CELF4: variants seen among roughly 807,000 people sequenced by gnomAD.
CELF4 encodes the protein CUG-BP- and ETR-3-like factor 4.
Under a neutral mutation model 59.9 loss-of-function variants are expected in CELF4, and 18 were observed. The ratio of observed to expected loss-of-function variants is 0.30; its 90% confidence interval spans 0.21 to 0.45. CELF4 has a LOEUF of 0.45. CELF4 is among the 20% of genes least tolerant of loss of function. CELF4 has a pLI of 1.00. For synonymous variants in CELF4, 261 were observed against 267.1 expected (o/e 0.98, Z 0.22); for missense variants, 456 against 689.0 (o/e 0.66, Z 3.79).
chr18:37,513,834 AT>A (rs2099947374), intron 1 of CELF4, among the ~76,000 whole-genome samples: 1 of 152,036 alleles, frequency 6.6e-6, no homozygotes, highest in East Asian at 1.9e-4. Context: ...GAACTTCTGC[AT>A]GCCTTGTCTT....
At chr18:37,408,209 T>C (rs1432078140) in intron 2 of CELF4, among the ~76,000 whole-genome samples, 3 of 152,300 alleles carry the variant, frequency 2.0e-5, no homozygotes, top group Admixed American at 2.0e-4. Flanking sequence ...GGAAGACAAG[T>C]GGCTCCTTTG....
intron 2 of CELF4, among the ~76,000 whole-genome samples, chr18:37,393,268 A>C (rs2099188784): frequency 6.6e-6 from 1 of 152,198 alleles, no homozygotes; most frequent in African/African-American, 2.4e-5. Context: ...GACCCACCCC[A>C]GATACAGACC....
At chr18:37,266,938 G>T (rs889767899) in intron 8 of CELF4, among the ~76,000 whole-genome samples, 7 of 142,386 alleles carry the variant, frequency 4.9e-5, no homozygotes, top group Admixed American at 1.4e-4. Context: ...TGCTGGTGGT[G>T]GGGGGGGACA....
chr18:37,384,998 C>T lies in CELF4; in HGVS notation c.370-63117G>A, dbSNP rs553302221. 3.3e-5 allele frequency among the ~76,000 whole-genome samples: 5 copies of T among 152,302 alleles called. No homozygotes were observed. The East Asian group carries it at 9.7e-4, about 29-fold the overall frequency. Reference sequence around the variant, plus strand: ...TCCAAGCCTTTTCTCCCTTTGTCCTCATAAATACACACTTATATTTGTCAG... The same window carrying T: ...TCCAAGCCTTTTCTCCCTTTGTCCTTATAAATACACACTTATATTTGTCAG... On this transcript the variant is annotated intron_variant, in intron 2 of 12. Coordinates refer to ENST00000420428, the MANE Select transcript of CELF4 (RefSeq NM_020180.4).
At chr18:37,399,775 A>G (rs778042810) in intron 2 of CELF4, among the ~76,000 whole-genome samples, 4 of 152,200 alleles carry the variant, frequency 2.6e-5, no homozygotes, top group South Asian at 2.1e-4. Flanking sequence ...TGATTCAGTA[A>G]GACGCTTGCC....
intron 2 of CELF4, among the ~76,000 whole-genome samples, chr18:37,354,077 A>C (rs2098519296): frequency 6.6e-6 from 1 of 151,978 alleles, no homozygotes; most frequent in Admixed American, 6.6e-5. Flanking sequence ...AGTTCTTAGG[A>C]CAAAGGTCAG....
chr18:37,481,100 C>T (rs1292618109), intron 2 of CELF4, among the ~76,000 whole-genome samples: 4 of 152,140 alleles, frequency 2.6e-5, no homozygotes, highest in Non-Finnish European at 5.9e-5. Context: ...CGGGACTCTG[C>T]ATGTCTGCCA....
At chr18:37,278,627 C>T (rs898622988) in intron 3 of CELF4, among the ~76,000 whole-genome samples, 32 of 152,192 alleles carry the variant, frequency 2.1e-4, no homozygotes, top group African/African-American at 7.5e-4. Context: ...ATTACCATGG[C>T]GATGGCCCCT....
At chr18:37,333,047 G>T (rs1019121985) in intron 2 of CELF4, among the ~76,000 whole-genome samples, 1 of 152,238 alleles carries the variant, frequency 6.6e-6, no homozygotes, top group South Asian at 2.1e-4. Context: ...GGGTGGGGGA[G>T]TGAGGGTGTG....
intron 1 of CELF4, among the ~76,000 whole-genome samples, chr18:37,541,104 A>G (rs1438228321): frequency 6.6e-6 from 1 of 152,158 alleles, no homozygotes; most frequent in Non-Finnish European, 1.5e-5. Flanking sequence ...TTGTTCTATT[A>G]TAAATGACTT....
intron 2 of CELF4, among the ~76,000 whole-genome samples, chr18:37,351,599 TTTC>T (rs1569567332): frequency 5.0e-5 from 7 of 139,894 alleles, no homozygotes; most frequent in South Asian, 2.3e-4. Context: ...TTCTTTTCTT[TTTC>T]TTCTTCTTCT....
At chr18:37,350,610 G>T (rs1039457500) in intron 2 of CELF4, among the ~76,000 whole-genome samples, 1 of 152,186 alleles carries the variant, frequency 6.6e-6, no homozygotes, top group Non-Finnish European at 1.5e-5. Context: ...CCAAGGTGGG[G>T]TTGCTCTGTT....
intron 1 of CELF4, among the ~76,000 whole-genome samples, chr18:37,493,733 G>A (rs1367990459): frequency 1.3e-5 from 2 of 152,134 alleles, no homozygotes; most frequent in Non-Finnish European, 2.9e-5. Context: ...AGAGGCTGCA[G>A]CCTGCTCTCC....
intron 2 of CELF4, among the ~76,000 whole-genome samples, chr18:37,347,535 C>A (rs898479773): frequency 1.3e-5 from 2 of 152,106 alleles, no homozygotes; most frequent in African/African-American, 2.4e-5. Context: ...CTCTCTAGTT[C>A]GGGGCAGGTC....
intron 2 of CELF4, among the ~76,000 whole-genome samples, chr18:37,366,650 C>G (rs2098788322): frequency 6.6e-6 from 1 of 152,102 alleles, no homozygotes; most frequent in Non-Finnish European, 1.5e-5. Flanking sequence ...ATGAGAAGCC[C>G]CTGATCTCCA....
At chr18:37,558,806 C>CGTGTGTGTGTGTGT (rs147683102) in intron 1 of CELF4, among the ~76,000 whole-genome samples, 1 of 145,460 alleles carries the variant, frequency 6.9e-6, no homozygotes, top group African/African-American at 2.6e-5. Context: ...GCTGTCAGGT[C>CGTGTGTGTGTGTGT]GTGTGTGTGT....
chr18:37,289,704 T>C (rs926751728), intron 3 of CELF4, among the ~76,000 whole-genome samples: 1 of 152,158 alleles, frequency 6.6e-6, no homozygotes, highest in African/African-American at 2.4e-5. Context: ...ATGAGAGTAC[T>C]GTTTGATAGA....
chr18:37,348,943 C>T (rs1374939491), intron 2 of CELF4, among the ~76,000 whole-genome samples: 3 of 152,138 alleles, frequency 2.0e-5, no homozygotes, highest in Non-Finnish European at 4.4e-5. Context: ...CTCATGCCTC[C>T]AGGGGGTTTG....
intron 11 of CELF4, 144 bp downstream of exon 11, chr18:37,259,037 G>T: frequency 7.5e-7 from 1 of 1,331,308 alleles, no homozygotes; most frequent in Non-Finnish European, 1.0e-6. Context: ...GAAGGAGCAG[G>T]TTAAAAGCAG....
Sources: gnomAD v4.1 joint callset for allele counts (sites outside exome capture counted in the v4.1 genomes callset) on GRCh38, gnomAD v4.1.1 for gene constraint, MANE v1.5 for transcripts, NCBI Gene and HGNC (gene_info 2026-07-23, HGNC 2026-07-21) for gene names.